MSH4: variants seen among roughly 807,000 people sequenced by gnomAD.
The protein encoded by MSH4 is mutS protein homolog 4.
In MSH4, 106 loss-of-function variants were observed where a neutral mutation model predicts 113.7. That is an observed-to-expected ratio of 0.93 (90% CI 0.80 to 1.10). The LOEUF is 1.10. Ranked by LOEUF, MSH4 falls within the 50% of genes least tolerant of loss-of-function variation. The probability of loss-of-function intolerance (pLI) is 0.00; values close to 1 mark genes in which losing one functional copy is unlikely to be tolerated. For missense variants in MSH4, 1,061 were observed against 1,093.7 expected (o/e 0.97, Z 0.42); for synonymous variants, 368 against 380.2 (o/e 0.97, Z 0.37).
chr1:75,853,340 C>G (rs1244165549), intron 8 of MSH4, among the ~76,000 whole-genome samples: 1 of 152,152 alleles, frequency 6.6e-6, no homozygotes, highest in African/African-American at 2.4e-5. Flanking sequence ...ACTGGGGTTA[C>G]AGGCGTGAAC....
intron 18 of MSH4, among the ~76,000 whole-genome samples, chr1:75,899,384 G>T (rs1294364499): frequency 5.9e-5 from 9 of 152,060 alleles, no homozygotes; most frequent in Non-Finnish European, 1.3e-4. Flanking sequence ...ATATTGAGAG[G>T]TAACTGATAT....
At chr1:75,887,844 A>C in intron 15 of MSH4, among the ~76,000 whole-genome samples, 1 of 151,928 alleles carries the variant, frequency 6.6e-6, no homozygotes, top group South Asian at 2.1e-4. Flanking sequence ...TTCTGATTCA[A>C]ATTCTGGCTC....
At chr1:75,894,696 G>A (rs1652333179) in intron 17 of MSH4, among the ~76,000 whole-genome samples, 1 of 152,160 alleles carries the variant, frequency 6.6e-6, no homozygotes, top group Admixed American at 6.5e-5. Flanking sequence ...TTCTGATCAA[G>A]GAACTTACTT....
intron 14 of MSH4, among the ~76,000 whole-genome samples, chr1:75,882,271 C>T (rs1651950399): frequency 6.6e-6 from 1 of 152,020 alleles, no homozygotes; most frequent in African/African-American, 2.4e-5. Flanking sequence ...TGAGAAGGAT[C>T]ATTCTGAAAC....
intron 9 of MSH4, among the ~76,000 whole-genome samples, chr1:75,871,600 T>C (rs1651713555): frequency 6.6e-6 from 1 of 152,198 alleles, no homozygotes; most frequent in Non-Finnish European, 1.5e-5. Flanking sequence ...GTAACTCATT[T>C]CTAATTAGAG....
At chr1:75,835,120 C>T (rs1570957650) in intron 7 of MSH4, among the ~76,000 whole-genome samples, 1 of 152,082 alleles carries the variant, frequency 6.6e-6, no homozygotes, top group Non-Finnish European at 1.5e-5. Context: ...GCCTGACTAC[C>T]CTAGCTTGTG....
At chr1:75,867,257 C>G (rs939198072) in intron 8 of MSH4, among the ~76,000 whole-genome samples, 2 of 152,112 alleles carry the variant, frequency 1.3e-5, no homozygotes, top group East Asian at 3.9e-4. Context: ...TAAATTGAAC[C>G]CAAGAGATTG....
chr1:75,810,293 C>A (rs1570941863), intron 3 of MSH4, among the ~76,000 whole-genome samples: 1 of 151,740 alleles, frequency 6.6e-6, no homozygotes, highest in South Asian at 2.1e-4. Context: ...TGCAAAGGTG[C>A]CTGGTGTGAT....
intron 19 of MSH4, among the ~76,000 whole-genome samples, chr1:75,901,653 C>T (rs1433530205): frequency 4.6e-5 from 7 of 151,978 alleles, no homozygotes. Context: ...TACTTATTTT[C>T]TTTCTTTTGG....
At chr1:75,883,305 C>T (rs755621016) in intron 14 of MSH4, among the ~76,000 whole-genome samples, 3 of 151,356 alleles carry the variant, frequency 2.0e-5, no homozygotes, top group African/African-American at 7.3e-5. Flanking sequence ...TGAGCCATCA[C>T]GCCTGGTCTG....
chr1:75,892,780 C>G (rs912107454), intron 17 of MSH4, among the ~76,000 whole-genome samples: 1 of 152,038 alleles, frequency 6.6e-6, no homozygotes, highest in African/African-American at 2.4e-5. Context: ...AACCAGGCAT[C>G]ACATGTGTCC....
At chr1:75,799,155 T>C (rs1053934723) in intron 1 of MSH4, among the ~76,000 whole-genome samples, 2 of 152,226 alleles carry the variant, frequency 1.3e-5, no homozygotes. Context: ...CTTCATCAGA[T>C]GCTTGGTCAC....
intron 2 of MSH4, among the ~76,000 whole-genome samples, chr1:75,806,538 C>T (rs1650072128): frequency 6.6e-6 from 1 of 152,054 alleles, no homozygotes; most frequent in Non-Finnish European, 1.5e-5. Context: ...TGAGCCACCG[C>T]GCCCGGCCTT....
chr1:75,811,913 T>G (rs1486232765), intron 4 of MSH4, among the ~76,000 whole-genome samples: 1 of 152,214 alleles, frequency 6.6e-6, no homozygotes, highest in African/African-American at 2.4e-5. Flanking sequence ...CCTGTATAGA[T>G]GAGCTGCCTT....
chr1:75,803,651 C>A, intron 1 of MSH4, 80 bp from the exon 2 acceptor site: 1 of 1,022,760 alleles, frequency 9.8e-7, no homozygotes, highest in South Asian at 2.3e-5. Context: ...GGAAAGTGAA[C>A]ATGGTATAAA....
chr1:75,865,757 T>C (rs1293264249), intron 8 of MSH4, among the ~76,000 whole-genome samples: 3 of 151,660 alleles, frequency 2.0e-5, no homozygotes, highest in Non-Finnish European at 1.5e-5. Context: ...TCTATAAAAG[T>C]TAATTAGAAC....
At chr1:75,891,039 A>T (rs1231342197) in intron 17 of MSH4, among the ~76,000 whole-genome samples, 1 of 152,180 alleles carries the variant, frequency 6.6e-6, no homozygotes, top group Non-Finnish European at 1.5e-5. Flanking sequence ...TGAAATCAAG[A>T]AATTCAAATA....
At chr1:75,813,966 A>T (rs868195212) in intron 4 of MSH4, among the ~76,000 whole-genome samples, 2 of 152,184 alleles carry the variant, frequency 1.3e-5, no homozygotes, top group Non-Finnish European at 2.9e-5. Flanking sequence ...AATATCAGAA[A>T]AGTTACTTGA....
rs763247012 is a variant in MSH4, at chr1:75,876,666, C to T, written c.1306-270C>T. 3.3e-5 allele frequency among the ~76,000 whole-genome samples: 5 copies of T among 151,792 alleles called. No individual in the cohort carries two copies. In the East Asian group the frequency reaches 5.8e-4, roughly 18 times the overall value. On this transcript the variant is annotated intron_variant, in intron 9 of 19. Coordinates refer to ENST00000263187, the MANE Select transcript of MSH4 (RefSeq NM_002440.4). The stretch of plus-strand genomic sequence containing the variant: ...TTAAGTACCTATATATGTAAGTTGT[C>T]GGGTGTTAACAATTAGTAGAGAGGC...
Sources: allele counts gnomAD v4.1 joint callset (sites outside exome capture counted in the v4.1 genomes callset), GRCh38; gene constraint gnomAD v4.1.1; transcripts MANE v1.5; gene names NCBI Gene and HGNC (gene_info 2026-07-23, HGNC 2026-07-21).